The following PTPRU variants were observed in gnomAD, a reference collection of about 807,000 sequenced individuals.
The protein encoded by PTPRU is protein tyrosine phosphatase receptor type U.
In PTPRU, 69 loss-of-function variants were observed where a neutral mutation model predicts 166.3. The ratio of observed to expected loss-of-function variants is 0.41; its 90% CI spans 0.34 to 0.51. PTPRU has a LOEUF of 0.51. Ranked by LOEUF, PTPRU falls within the 20% of genes least tolerant of loss-of-function variation. The pLI is 0.09. For missense variants in PTPRU, 1,657 were observed against 2,013.7 expected (o/e 0.82, Z 3.39); for synonymous variants, 793 against 814.0 (o/e 0.97, Z 0.44).
chr1:29,260,009 C>T lies in PTPRU; in HGVS notation c.815C>T (p.Ala272Val). The T allele has an allele frequency of 1.3e-6, 2 of 1,484,092 alleles. No homozygotes were observed. The highest frequency in any genetic ancestry group is 1.8e-6 in the Non-Finnish European group (2 of 1,124,888). 91.9% of individuals were successfully genotyped at this position (1,484,092 alleles called of 1,614,324 possible). A position where few individuals can be genotyped will look rare whatever the true frequency, so the allele number is the denominator to read the frequency against. ...TGTGTGTCCCAGGCCCCGCGCGGCG[C>T]GGGCGTCTCTAACTTCGCGGAGCTC... ...YRCVSQAPRG[A>V]GVSNFAELIV... Residue 272 changes from alanine (A) to valine (V), a missense_variant, in exon 6 of 30, where the codon GCG becomes GTG. This residue lies in a region of PTPRU where 453 missense variants were observed against 496.9 expected (regional missense o/e 0.91). Coordinates refer to ENST00000373779, the MANE Select transcript of PTPRU (RefSeq NM_133178.4). The surrounding 1 kb of genome is among the most constrained non-coding windows in gnomAD (Gnocchi z 8.3).
At chr1:29,303,231 G>A (rs886219393) in intron 15 of PTPRU, among the ~76,000 whole-genome samples, 2 of 152,222 alleles carry the variant, frequency 1.3e-5, no homozygotes, top group Non-Finnish European at 2.9e-5. Context: ...CAGAACAGCC[G>A]GGGACGGGGT....
In PTPRU at chr1:29,282,599, C is replaced by A. The variant is rs535102390; in HGVS notation, c.1869-77C>A. ...CCCAGGAGGGCTTGACCACAAAGCC[C>A]ATGCCTTTAACTGCCAGCTGGCTCT... is the stretch of plus-strand genomic sequence containing the variant. On this transcript the variant is annotated intron_variant, in intron 11 of 29. Transcript: ENST00000373779. 6.8e-5 allele frequency: 103 copies of A among 1,512,062 alleles called. 1 individual carries two copies. In the East Asian group the frequency reaches 2.4e-3, roughly 35 times the overall value. The allele number at this position is 1,512,062 out of a possible 1,614,324, so 93.7% of individuals were successfully genotyped here.
At chr1:29,268,021 C>T (rs183202822) in intron 7 of PTPRU, among the ~76,000 whole-genome samples, 3 of 152,294 alleles carry the variant, frequency 2.0e-5, no homozygotes, top group East Asian at 3.9e-4. Context: ...TCAAGGATGG[C>T]TCCAAGGTGT....
At chr1:29,318,593 C>A (rs1042743625) in intron 25 of PTPRU, among the ~76,000 whole-genome samples, 7 of 152,206 alleles carry the variant, frequency 4.6e-5, no homozygotes, top group African/African-American at 1.4e-4. Flanking sequence ...ACAGGAGACA[C>A]ACGGGTGGAG....
chr1:29,279,909 A>G lies in PTPRU; in HGVS notation c.1766-130A>G, dbSNP rs1318816147. On this transcript the variant is annotated intron_variant, in intron 10 of 29. Coordinates refer to ENST00000373779, the MANE Select transcript of PTPRU (RefSeq NM_133178.4). The surrounding 1 kb of genome is among the most constrained non-coding windows in gnomAD (Gnocchi z 5.2). ...GTCAGGGGCCAGGGTAGCTCAGGTC[A>G]TGTCAGCAGGAACAAAGAGGCTAAG... 1.9e-6 allele frequency: 2 copies of G among 1,049,846 alleles called. No homozygotes were observed. Among genetic ancestry groups the G allele is most frequent in the African/African-American group, 1.6e-5 (1 of 62,574 alleles). 65.0% of individuals were successfully genotyped at this position (1,049,846 alleles called of 1,614,324 possible).
At position 29,325,847 on chromosome 1, in the gene PTPRU, G is replaced by A. The variant is rs199996539; in HGVS notation, c.*186G>A. On this transcript the variant is annotated 3_prime_UTR_variant, in exon 30 of 30. Coordinates refer to ENST00000373779, the MANE Select transcript of PTPRU (RefSeq NM_133178.4). ...AGGGCCTTTCGCTTGTCCCATGGGC[G>A]GGTGGTGGGCCAAGGAGGAGCTTAG... 15 of 657,014 alleles carry A rather than the reference G, an allele frequency of 2.3e-5. No individual in the cohort carries two copies. In the East Asian group the frequency reaches 2.7e-4, roughly 12 times the overall value. The allele number at this position is 657,014 out of a possible 1,614,324, so 40.7% of individuals were successfully genotyped here. A position where few individuals can be genotyped will look rare whatever the true frequency, so the allele number is the denominator to read the frequency against.
At position 29,323,476 on chromosome 1, in the gene PTPRU, C is replaced by T. The variant is rs1267302438; in HGVS notation, c.3934C>T (p.Arg1312Trp). The T allele has an allele frequency of 4.4e-6, 7 of 1,606,358 alleles. No homozygotes were observed. Among genetic ancestry groups the T allele is most frequent in the South Asian group, 2.2e-5 (2 of 89,668 alleles). The change falls in exon 27 of 30, where the codon CGG becomes TGG. Residue 1312 changes from arginine (R) to tryptophan (W), a missense_variant. Coordinates refer to ENST00000373779, the MANE Select transcript of PTPRU (RefSeq NM_133178.4). Reference protein sequence around the residue: ...ADEDLVARVFRVQNISRLQEG... With the variant: ...ADEDLVARVFWVQNISRLQEG... ...TGAAGACTTAGTGGCTCGAGTCTTC[C>T]GGGTGCAGAACATCTCTCGGGTGAG...
chr1:29,253,028 C>G (rs1022634655), intron 1 of PTPRU, among the ~76,000 whole-genome samples: 1 of 152,240 alleles, frequency 6.6e-6, no homozygotes, highest in Non-Finnish European at 1.5e-5. Flanking sequence ...GGGGTTCCCA[C>G]GACCCCCTCT....
intron 7 of PTPRU, among the ~76,000 whole-genome samples, chr1:29,266,192 G>C (rs1271119317): frequency 6.6e-6 from 1 of 151,462 alleles, no homozygotes; most frequent in Non-Finnish European, 1.5e-5. Flanking sequence ...GGCTAATTTT[G>C]TATTTTTAGT....
Position 29,237,827 on chromosome 1 carries a change from A to C in PTPRU, c.73+1110A>C, listed in dbSNP as rs1380327966. On this transcript the variant is annotated intron_variant, in intron 1 of 29. Transcript: ENST00000373779. This position sits in a 1 kb window ranked among gnomAD's most constrained non-coding sequence, Gnocchi z 6.4. ...CGGCGGGCGGGCAGGGGAGGGCCGG[A>C]CCGGCGGGCGCTCCTGCGGTGGCCG... Among the ~76,000 whole-genome samples, 3 of 145,510 alleles carry C rather than the reference A, an allele frequency of 2.1e-5. No homozygotes were observed. The highest frequency in any genetic ancestry group is 3.0e-5 in the Non-Finnish European group (2 of 65,586).
At chr1:29,278,776 G>T (rs1685926690) in intron 8 of PTPRU, among the ~76,000 whole-genome samples, 1 of 152,224 alleles carries the variant, frequency 6.6e-6, no homozygotes, top group Non-Finnish European at 1.5e-5. Flanking sequence ...CTTAGTAATA[G>T]GTTGAACCAT....
chr1:29,279,358 CCTTATCTCT>C lies in PTPRU; in HGVS notation c.1564-96_1564-88del. ...GGCATCCATAGTCTCCTTTGCTTAG[CCTTATCTCT>C]CACTTCCCTGGGACATGGTGGGTGG... On this transcript the variant is annotated intron_variant, in intron 9 of 29. Transcript: ENST00000373779. The surrounding 1 kb of genome is among the most constrained non-coding windows in gnomAD (Gnocchi z 5.2). 1 of 1,369,464 alleles carries C rather than the reference CCTTATCTCT, an allele frequency of 7.3e-7. No individual in the cohort carries two copies. The highest frequency in any genetic ancestry group is 1.0e-6 in the Non-Finnish European group (1 of 970,192). 84.8% of individuals were successfully genotyped at this position (1,369,464 alleles called of 1,614,324 possible).
intron 1 of PTPRU, 105 bp from the exon 2 acceptor site, chr1:29,255,170 A>T (rs1684719061): frequency 3.7e-6 from 5 of 1,334,598 alleles, no homozygotes; most frequent in Non-Finnish European, 5.1e-6. Flanking sequence ...GAGAGGGAGG[A>T]GGGCAGGTGG....
At chr1:29,255,164 GGGA>G in intron 1 of PTPRU, 108 bp from the exon 2 acceptor site, 1 of 1,300,656 alleles carries the variant, frequency 7.7e-7, no homozygotes, top group Non-Finnish European at 1.0e-6. Flanking sequence ...CCTGAAGAGA[GGGA>G]GGAGGGCAGG....
At chr1:29,261,564 C>G (rs1181758531) in intron 7 of PTPRU, among the ~76,000 whole-genome samples, 1 of 152,192 alleles carries the variant, frequency 6.6e-6, no homozygotes, top group Non-Finnish European at 1.5e-5. Flanking sequence ...GAGTTTTGCT[C>G]TGTCACCCAG....
At position 29,315,288 on chromosome 1, in the gene PTPRU, G is replaced by T; in HGVS notation, c.3228-84G>T. 1.9e-6 allele frequency: 3 copies of T among 1,548,116 alleles called. No individual in the cohort carries two copies. Among genetic ancestry groups the T allele is most frequent in the Non-Finnish European group, 2.7e-6 (3 of 1,129,640 alleles). ...GTGTCCCCTGTATGGTGTAGACATG[G>T]CCAGTGCCCTCCTCTCTTCTTCTCC... is the stretch of plus-strand genomic sequence containing the variant. On this transcript the variant is annotated intron_variant, in intron 22 of 29. Coordinates refer to ENST00000373779, the MANE Select transcript of PTPRU (RefSeq NM_133178.4). The surrounding 1 kb of genome is among the most constrained non-coding windows in gnomAD (Gnocchi z 4.5).
chr1:29,294,961 G>A (rs1199617379), intron 15 of PTPRU, among the ~76,000 whole-genome samples: 3 of 145,878 alleles, frequency 2.1e-5, no homozygotes, highest in Non-Finnish European at 4.6e-5. Context: ...GGCTATTTAA[G>A]TCTTGATATC....
intron 15 of PTPRU, among the ~76,000 whole-genome samples, chr1:29,295,570 C>T (rs1686844082): frequency 6.6e-6 from 1 of 151,792 alleles, no homozygotes; most frequent in African/African-American, 2.4e-5. Flanking sequence ...GATAGATGTC[C>T]CTAGGTTCTT....
intron 15 of PTPRU, among the ~76,000 whole-genome samples, chr1:29,299,855 C>T (rs3765834): frequency 0.25 from 37,969 of 152,018 alleles, 5,990 homozygotes; most frequent in East Asian, 0.63. Flanking sequence ...CCTGGTGGTG[C>T]GTTACGGACA....
Sources: gnomAD v4.1 joint callset for allele counts (sites outside exome capture counted in the v4.1 genomes callset) on GRCh38, gnomAD v4.1.1 for gene constraint, gnomAD v4.1.1 regional missense constraint, Gnocchi (gnomAD v3.1) non-coding constraint, MANE v1.5 for transcripts, NCBI Gene and HGNC (gene_info 2026-07-23, HGNC 2026-07-21) for gene names.